The following ZSWIM5 variants were observed in gnomAD, a reference collection of about 807,000 sequenced individuals.
The protein encoded by ZSWIM5 is zinc finger SWIM domain-containing protein 5.
ZSWIM5 carries 55 observed loss-of-function variants against 119.6 expected under a neutral mutation model. The observed-to-expected ratio is 0.46, with a 90% CI of 0.37 to 0.58. ZSWIM5 has a LOEUF of 0.58. Among genes scored for constraint, ZSWIM5 ranks in the 20% least tolerant of loss-of-function variants. The pLI is 0.00. For synonymous variants in ZSWIM5, 537 were observed against 606.9 expected (o/e 0.88, Z 1.69); for missense variants, 1,193 against 1,512.8 (o/e 0.79, Z 3.51).
intron 1 of ZSWIM5, among the ~76,000 whole-genome samples, chr1:45,180,679 C>T (rs942804264): frequency 6.6e-6 from 1 of 152,086 alleles, no homozygotes; most frequent in African/African-American, 2.4e-5. Flanking sequence ...CTGGGAGGCA[C>T]CCCCCAGTAG....
chr1:45,096,100 G>A (rs1378991472), intron 1 of ZSWIM5, among the ~76,000 whole-genome samples: 1 of 152,124 alleles, frequency 6.6e-6, no homozygotes, highest in African/African-American at 2.4e-5. Context: ...ACATTGTGAA[G>A]TTATTCTACT....
At chr1:45,020,038 TG>T (rs3831961) in intron 13 of ZSWIM5, 27 bp downstream of exon 13, 97,313 of 1,604,170 alleles carry the variant, frequency 0.061, 3,231 homozygotes, top group East Asian at 0.12. Context: ...TCCTTTCCCC[TG>T]GGGGTAGAGG....
chr1:45,046,660 G>GTC (rs1173554271), intron 5 of ZSWIM5, among the ~76,000 whole-genome samples: 1 of 151,476 alleles, frequency 6.6e-6, no homozygotes, highest in Non-Finnish European at 1.5e-5. Flanking sequence ...GTGTGTGTGT[G>GTC]TGTATACACA....
At chr1:45,136,812 G>A (rs927443186) in intron 1 of ZSWIM5, among the ~76,000 whole-genome samples, 1 of 152,024 alleles carries the variant, frequency 6.6e-6, no homozygotes, top group Non-Finnish European at 1.5e-5. Flanking sequence ...TACTCCTAGG[G>A]TATATATAAT....
At chr1:45,133,693 T>C (rs973493746) in intron 1 of ZSWIM5, among the ~76,000 whole-genome samples, 3 of 152,184 alleles carry the variant, frequency 2.0e-5, no homozygotes, top group African/African-American at 4.8e-5. Flanking sequence ...ACCATGCCTA[T>C]GTCCTGAATG....
At chr1:45,049,303 G>C (rs576006877) in intron 5 of ZSWIM5, among the ~76,000 whole-genome samples, 1 of 152,196 alleles carries the variant, frequency 6.6e-6, no homozygotes, top group East Asian at 1.9e-4. Context: ...CTTAAACCTG[G>C]GGGTATTTTA....
chr1:45,030,613 C>A (rs1644947204), intron 11 of ZSWIM5, among the ~76,000 whole-genome samples: 1 of 152,158 alleles, frequency 6.6e-6, no homozygotes, highest in African/African-American at 2.4e-5. Context: ...TCCATTTCAT[C>A]TGTGTTGTTG....
At chr1:45,063,569 C>T (rs1645165283) in intron 2 of ZSWIM5, among the ~76,000 whole-genome samples, 1 of 152,146 alleles carries the variant, frequency 6.6e-6, no homozygotes. Context: ...AAGACTGTTC[C>T]CAGAAGTCAA....
Position 45,018,338 on chromosome 1 carries a change from G to A in ZSWIM5, c.*116C>T. Reference sequence around the variant, plus strand: ...CCATCCTTAGCCCTGTGGTCCTTTGGCCTCATCCACAGGTGCTCAGAGTTC... The same window carrying A: ...CCATCCTTAGCCCTGTGGTCCTTTGACCTCATCCACAGGTGCTCAGAGTTC... On this transcript the variant is annotated 3_prime_UTR_variant, in exon 14 of 14. Transcript: ENST00000359600. This position sits in a 1 kb window ranked among gnomAD's most constrained non-coding sequence, Gnocchi z 6.7. 7.6e-7 allele frequency: 1 copy of A among 1,316,074 alleles called. No homozygotes were observed. Among genetic ancestry groups the A allele is most frequent in the East Asian group, 2.3e-5 (1 of 42,658 alleles). The allele number at this position is 1,316,074 out of a possible 1,614,324, so 81.5% of individuals were successfully genotyped here. A position where few individuals can be genotyped will look rare whatever the true frequency, so the allele number is the denominator to read the frequency against.
rs67691641 is a variant in ZSWIM5, at chr1:45,040,672, GTCTTTA to G, written c.1610-140_1610-135del. On this transcript the variant is annotated intron_variant, in intron 6 of 13. Transcript: ENST00000359600. ...ACACCTACTGTATACCAGGAACTGT[GTCTTTA>G]TCTTTAAGGATATAAAAAGTTGAAT... 1,667 of 676,580 alleles carry G rather than the reference GTCTTTA, an allele frequency of 2.5e-3. 9 individuals are homozygous for G. Among genetic ancestry groups the G allele is most frequent in the Non-Finnish European group, 1.9e-3 (826 of 435,044 alleles). 41.9% of individuals were successfully genotyped at this position (676,580 alleles called of 1,614,324 possible). A position where few individuals can be genotyped will look rare whatever the true frequency, so the allele number is the denominator to read the frequency against.
intron 1 of ZSWIM5, among the ~76,000 whole-genome samples, chr1:45,158,984 T>C (rs1645847300): frequency 6.6e-6 from 1 of 152,192 alleles, no homozygotes. Flanking sequence ...TATATTAGGC[T>C]ACCAGTTATC....
intron 1 of ZSWIM5, among the ~76,000 whole-genome samples, chr1:45,115,052 C>A (rs141578964): frequency 1.3e-5 from 2 of 152,268 alleles, no homozygotes; most frequent in African/African-American, 2.4e-5. Context: ...TCTTTCCACA[C>A]AGACACAGTA....
At chr1:45,145,273 C>T in intron 1 of ZSWIM5, among the ~76,000 whole-genome samples, 1 of 151,324 alleles carries the variant, frequency 6.6e-6, no homozygotes, top group East Asian at 1.9e-4. Flanking sequence ...GTTAAATATA[C>T]ACTTACTTAC....
chr1:45,107,340 T>G (rs1645487210), intron 1 of ZSWIM5, among the ~76,000 whole-genome samples: 1 of 152,054 alleles, frequency 6.6e-6, no homozygotes, highest in Non-Finnish European at 1.5e-5. Context: ...AACAATTACT[T>G]TAAAAATAGT....
In ZSWIM5 at chr1:45,048,082, C is replaced by CTTT. The variant is rs1187025417; in HGVS notation, c.1432+2989_1432+2991dup. Reference sequence around the variant, plus strand: ...CTTTCTTTCTTTCCTTTTCTTTTCTCTTTTTTTTTTTTTTTTTTTGAGACA... The same window carrying CTTT: ...CTTTCTTTCTTTCCTTTTCTTTTCTCTTTTTTTTTTTTTTTTTTTTTTGAGACA... On this transcript the variant is annotated intron_variant, in intron 5 of 13. Transcript: ENST00000359600. Among the ~76,000 whole-genome samples the CTTT allele has an allele frequency of 3.3e-4, 28 of 85,240 alleles. 10 individuals are homozygous for CTTT. Among genetic ancestry groups the CTTT allele is most frequent in the Admixed American group, 6.9e-4 (5 of 7,208 alleles). The allele number at this position is 85,240 out of a possible 152,430, so 55.9% of individuals were successfully genotyped here.
At chr1:45,156,056 G>GA (rs1005468970) in intron 1 of ZSWIM5, among the ~76,000 whole-genome samples, 11 of 150,260 alleles carry the variant, frequency 7.3e-5, no homozygotes, top group African/African-American at 2.4e-4. Flanking sequence ...TTAAAAGAAG[G>GA]AAAAAAAATT....
At chr1:45,031,740 G>T (rs1476544857) in intron 11 of ZSWIM5, among the ~76,000 whole-genome samples, 1 of 151,446 alleles carries the variant, frequency 6.6e-6, no homozygotes, top group Admixed American at 6.6e-5. Context: ...CTCGGGAGGC[G>T]GAGGCAGGAG....
chr1:45,163,180 G>A (rs111343415), intron 1 of ZSWIM5, among the ~76,000 whole-genome samples: 10 of 152,216 alleles, frequency 6.6e-5, no homozygotes, highest in African/African-American at 9.7e-5. Flanking sequence ...CAGTTCTGCA[G>A]CCTCTGCTGG....
chr1:45,083,912 T>C (rs1185375124), intron 2 of ZSWIM5, among the ~76,000 whole-genome samples: 5 of 152,146 alleles, frequency 3.3e-5, no homozygotes, highest in Non-Finnish European at 7.4e-5. Flanking sequence ...CTTTTATTTA[T>C]ATTTATTTAT....
Sources: gnomAD v4.1 joint callset for allele counts (sites outside exome capture counted in the v4.1 genomes callset) on GRCh38, gnomAD v4.1.1 for gene constraint, Gnocchi (gnomAD v3.1) non-coding constraint, MANE v1.5 for transcripts, NCBI Gene and HGNC (gene_info 2026-07-23, HGNC 2026-07-21) for gene names.